The following MEF2C variants were observed in gnomAD, a reference collection of about 807,000 sequenced individuals.
MEF2C encodes the protein myocyte-specific enhancer factor 2C.
In MEF2C, 6 loss-of-function variants were observed where a neutral mutation model predicts 50.5. The observed-to-expected ratio is 0.12, with a 90% confidence interval of 0.07 to 0.23. The LOEUF (loss-of-function observed/expected upper bound fraction) is 0.23. MEF2C is among the 10% of genes least tolerant of loss of function. The pLI is 1.00. For missense variants in MEF2C, 276 were observed against 605.0 expected, an observed-to-expected ratio of 0.46 and a Z score of 5.70; for synonymous variants, 183 against 228.0, an observed-to-expected ratio of 0.80 and a Z score of 1.78.
At chr5:88,747,333 C>CTTTTTTTTTTTTTTTTTTTTTTTTTTTT (rs950842424) in intron 6 of MEF2C, among the ~76,000 whole-genome samples, 1 of 21,744 alleles carries the variant, frequency 4.6e-5, no homozygotes, top group South Asian at 2.9e-3. Context: ...TTTTTTACTA[C>CTTTTTTTTTTTTTTTTTTTTTTTTTTTT]TTTTTTTTTT....
chr5:88,866,057 G>A lies in MEF2C; in HGVS notation c.-143+16898C>T, dbSNP rs187191121. On this transcript the variant is annotated intron_variant, in intron 1 of 10. Coordinates refer to ENST00000504921, the MANE Select transcript of MEF2C (RefSeq NM_002397.5). ...GCTACAGGCGCCCGCAACCACGCCC[G>A]GCTAATTTTTTGTATTTTTTAGTAG... Among the ~76,000 whole-genome samples, 747 of 152,080 alleles carry A rather than the reference G, an allele frequency of 4.9e-3. 3 individuals carry two copies. Among genetic ancestry groups the A allele is most frequent in the African/African-American group, 0.017 (715 of 41,514 alleles).
intron 1 of MEF2C, among the ~76,000 whole-genome samples, chr5:88,849,150 C>CAA (rs11295110): frequency 0.21 from 19,544 of 91,960 alleles, 1,615 homozygotes; most frequent in Middle Eastern, 0.35. Context: ...GACTTTGTCT[C>CAA]AAAAAAAAAA....
At chr5:88,896,644 T>C (rs1835148463) in intron 1 of MEF2C, among the ~76,000 whole-genome samples, 1 of 152,196 alleles carries the variant, frequency 6.6e-6, no homozygotes, top group African/African-American at 2.4e-5. Context: ...TCAAATGGAA[T>C]GCAATTTTAT....
chr5:88,843,285 T>G (rs1040816357), intron 1 of MEF2C: 1 of 950,248 alleles, frequency 1.1e-6, no homozygotes, highest in South Asian at 4.9e-5. Context: ...CCATTATCCA[T>G]GTGAGATGGA....
At chr5:88,818,954 C>G (rs915897137) in intron 2 of MEF2C, among the ~76,000 whole-genome samples, 6 of 151,948 alleles carry the variant, frequency 3.9e-5, no homozygotes, top group Admixed American at 1.3e-4. Flanking sequence ...ATTTATTGAG[C>G]ACTTATTATT....
rs1043160454 is a variant in MEF2C, at chr5:88,900,261, G to A, written c.-240+3655C>T. On this transcript the variant is annotated intron_variant, in intron 1 of 11. Coordinates refer to the MEF2C transcript ENST00000340208. ...ATTTACTAATATAATTAATAATTTT[G>A]GAATTAATATAAGATAGTTATATAT... Among the ~76,000 whole-genome samples the A allele has an allele frequency of 1.5e-4, 22 of 151,192 alleles. No homozygotes were observed. The South Asian group carries it at 4.6e-3, about 32-fold the overall frequency.
intron 3 of MEF2C, among the ~76,000 whole-genome samples, chr5:88,771,015 A>G (rs979412170): frequency 2.0e-5 from 3 of 152,250 alleles, no homozygotes; most frequent in Non-Finnish European, 4.4e-5. Flanking sequence ...AAGGCAGAGG[A>G]GAAGCAAAGG....
intron 1 of MEF2C, among the ~76,000 whole-genome samples, chr5:88,847,245 T>C (rs968207472): frequency 6.6e-6 from 1 of 152,172 alleles, no homozygotes; most frequent in Admixed American, 6.5e-5. Flanking sequence ...GATTAACACA[T>C]CTTCTTTACA....
intron 2 of MEF2C, chr5:88,819,382 G>A: frequency 1.0e-6 from 1 of 985,104 alleles, no homozygotes; most frequent in Non-Finnish European, 1.2e-6. Flanking sequence ...AACTTAACAG[G>A]ACCTTCAAAG....
chr5:88,727,445 G>T (rs956309492), intron 10 of MEF2C, among the ~76,000 whole-genome samples: 2 of 152,086 alleles, frequency 1.3e-5, no homozygotes, highest in South Asian at 2.1e-4. Flanking sequence ...GCTAGTGGGT[G>T]GGGGGAGAGA....
chr5:88,734,565 G>GTTTGTTTTTT lies in MEF2C; in HGVS notation c.638-2665_638-2664insAAAAAACAAA, dbSNP rs1763130990. 3.5e-4 allele frequency: 187 copies of GTTTGTTTTTT among 541,686 alleles called. 1 individual carries two copies. The highest frequency in any genetic ancestry group is 1.2e-3 in the Middle Eastern group (1 of 854). The allele number at this position is 541,686 out of a possible 1,614,324, so 33.6% of individuals were successfully genotyped here. A position where few individuals can be genotyped will look rare whatever the true frequency, so the allele number is the denominator to read the frequency against. On this transcript the variant is annotated intron_variant, in intron 6 of 10. Transcript: ENST00000504921. ...TTCACGGAGGCCTTGAGAAAAGTTT[G>GTTTGTTTTTT]TTTTTTTTTTTTTTTTTTTTTTTTT...
intron 3 of MEF2C, among the ~76,000 whole-genome samples, chr5:88,800,619 T>C (rs1797956448): frequency 6.6e-6 from 1 of 152,172 alleles, no homozygotes; most frequent in African/African-American, 2.4e-5. Context: ...GGGTTTGCTG[T>C]CTTAGACAGC....
chr5:88,720,693 A>C lies in MEF2C; in HGVS notation c.*1911T>G, dbSNP rs1030712912. ...AGGAAAATCTTTCCTAGACTGAAATATCTTTTAAACAATATATATTGACTT... is the reference window on the plus strand; with the variant it reads ...AGGAAAATCTTTCCTAGACTGAAATCTCTTTTAAACAATATATATTGACTT... On this transcript the variant is annotated 3_prime_UTR_variant, in exon 11 of 11. Transcript: ENST00000504921. 1.3e-5 allele frequency: 2 copies of C among 152,598 alleles called. No homozygotes were observed. The highest frequency in any genetic ancestry group is 2.9e-5 in the Non-Finnish European group (2 of 68,012). The allele number at this position is 152,598 out of a possible 1,614,324, so 9.5% of individuals were successfully genotyped here. A position where few individuals can be genotyped will look rare whatever the true frequency, so the allele number is the denominator to read the frequency against.
At chr5:88,724,426 C>T (rs1757703739) in intron 10 of MEF2C, among the ~76,000 whole-genome samples, 1 of 152,076 alleles carries the variant, frequency 6.6e-6, no homozygotes, top group African/African-American at 2.4e-5. Context: ...AATTACTTTC[C>T]TTCTCCTATT....
intron 1 of MEF2C, among the ~76,000 whole-genome samples, chr5:88,867,071 G>C (rs771336225): frequency 6.6e-6 from 1 of 152,172 alleles, no homozygotes; most frequent in South Asian, 2.1e-4. Context: ...TTCGCAAATA[G>C]TAAGACATTG....
At chr5:88,752,835 T>C (rs1050240928) in intron 4 of MEF2C, 2 of 870,914 alleles carry the variant, frequency 2.3e-6, no homozygotes, top group Non-Finnish European at 1.4e-6. Context: ...CATGTTTATG[T>C]TTCTGCTGTA....
At chr5:88,884,972 A>T (rs1253160274), upstream of MEF2C, among the ~76,000 whole-genome samples, 2 of 152,230 alleles carry the variant, frequency 1.3e-5, no homozygotes, top group African/African-American at 4.8e-5. Context: ...GATTACATAA[A>T]ATGTTTAAAC....
intron 1 of MEF2C, chr5:88,839,508 T>C (rs1418743840): frequency 2.0e-5 from 3 of 152,168 alleles, no homozygotes; most frequent in Non-Finnish European, 4.4e-5. Flanking sequence ...CTGAGATTTG[T>C]AATTCAGTAA....
At chr5:88,864,835 C>T (rs1005205732) in intron 1 of MEF2C, among the ~76,000 whole-genome samples, 11 of 151,242 alleles carry the variant, frequency 7.3e-5, no homozygotes, top group South Asian at 2.1e-4. Flanking sequence ...GGCGCAATCT[C>T]GGCTCACTCA....
Sources: gnomAD v4.1 joint callset for allele counts (sites outside exome capture counted in the v4.1 genomes callset) on GRCh38, gnomAD v4.1.1 for gene constraint, MANE v1.5 for transcripts, NCBI Gene and HGNC (gene_info 2026-07-23, HGNC 2026-07-21) for gene names.